BLK: variants seen among roughly 807,000 people sequenced by gnomAD.
BLK encodes tyrosine-protein kinase Blk.
Under a neutral mutation model 61.8 loss-of-function variants are expected in BLK, and 64 were observed. The observed-to-expected ratio is 1.03, with a 90% CI of 0.85 to 1.27. The LOEUF (loss-of-function observed/expected upper bound fraction) is 1.27. BLK is among the 50% of genes most tolerant of loss of function. BLK has a pLI of 0.00. For synonymous variants in BLK, 351 were observed against 272.0 expected, an observed-to-expected ratio of 1.29 and a Z score of -2.86; for missense variants, 853 against 660.5, an observed-to-expected ratio of 1.29 and a Z score of -3.19.
intron 11 of BLK, among the ~76,000 whole-genome samples, chr8:11,561,762 G>A (rs948488454): frequency 6.6e-6 from 1 of 151,948 alleles, no homozygotes; most frequent in African/African-American, 2.4e-5. Context: ...AAGTCCTGCA[G>A]CAAAGAAACA....
At chr8:11,545,798 C>T (rs1469564984) in intron 2 of BLK, 7 of 545,594 alleles carry the variant, frequency 1.3e-5, no homozygotes, top group Non-Finnish European at 2.0e-5. Context: ...TCATTGTCCA[C>T]AGCTGTCTCA....
At chr8:11,558,539 G>C (rs946603431) in intron 10 of BLK, 8 of 416,260 alleles carry the variant, frequency 1.9e-5, no homozygotes, top group South Asian at 7.1e-5. Context: ...CAGATGCCAG[G>C]GACATGACTT....
chr8:11,558,646 C>T (rs575630978), intron 10 of BLK: 23 of 456,140 alleles, frequency 5.0e-5, no homozygotes, highest in African/African-American at 1.0e-4. Context: ...GTGTCCCTCA[C>T]GTTCACATGC....
rs959216808 is a variant in BLK, at chr8:11,505,167, A to G, written c.-2+10576A>G. 1.1e-4 allele frequency among the ~76,000 whole-genome samples: 17 copies of G among 152,206 alleles called. 1 individual carries two copies. The highest frequency in any genetic ancestry group is 5.2e-4 in the Admixed American group (8 of 15,278). On this transcript the variant is annotated intron_variant, in intron 1 of 12. Transcript: ENST00000259089. ...AACAACAGCAAAACCACCTACCATG[A>G]CAAATACTATTGCAGCAAAACTGAA... is the stretch of plus-strand genomic sequence containing the variant.
chr8:11,502,971 C>T (rs1247306795), intron 1 of BLK, among the ~76,000 whole-genome samples: 1 of 152,212 alleles, frequency 6.6e-6, no homozygotes, highest in Non-Finnish European at 1.5e-5. Flanking sequence ...CAAGTCCCCA[C>T]TCGCAAAACG....
chr8:11,497,930 G>T (rs138998041), intron 1 of BLK, among the ~76,000 whole-genome samples: 1 of 152,174 alleles, frequency 6.6e-6, no homozygotes, highest in African/African-American at 2.4e-5. Flanking sequence ...GGGAGCAGTT[G>T]CACCCACTCT....
At chr8:11,547,310 C>G (rs1052616006) in intron 3 of BLK, among the ~76,000 whole-genome samples, 1 of 152,240 alleles carries the variant, frequency 6.6e-6, no homozygotes, top group Non-Finnish European at 1.5e-5. Flanking sequence ...ACACTCAGCT[C>G]AGTGACAGAG....
At chr8:11,560,318 GATGGATGGATGGATGGATAC>G (rs1801447512) in intron 10 of BLK, 1 of 209,410 alleles carries the variant, frequency 4.8e-6, no homozygotes, top group South Asian at 8.2e-5. Flanking sequence ...AGGATGCATA[GATGGATGGATGGATGGATAC>G]ATGGATGGAT....
intron 11 of BLK, 47 bp from the exon 12 acceptor site, chr8:11,562,932 G>A: frequency 6.2e-7 from 1 of 1,612,382 alleles, no homozygotes; most frequent in Admixed American, 1.7e-5. Flanking sequence ...TGGAGGGTAG[G>A]GGCCACCGGC....
In BLK at chr8:11,563,016, C is replaced by T; in HGVS notation, c.1218C>T (p.Ala406=). Residue 406 remains alanine, a synonymous_variant, in exon 12 of 13, where the codon GCC becomes GCT. Coordinates refer to ENST00000259089, the MANE Select transcript of BLK (RefSeq NM_001715.3). ...CCATCAAGTGGACAGCCCCGGAAGC[C>T]ATCCACTTCGGGGTCTTCACCATCA... ...KFPIKWTAPE[A]IHFGVFTIKA... 6.2e-7 allele frequency: 1 copy of T among 1,614,184 alleles called. No homozygotes were observed. Among genetic ancestry groups the T allele is most frequent in the East Asian group, 2.2e-5 (1 of 44,880 alleles).
Position 11,558,058 on chromosome 8 carries a change from C to A in BLK, c.1029+20C>A, listed in dbSNP as rs1801318781. On this transcript the variant is annotated intron_variant, in intron 10 of 12. Coordinates refer to ENST00000259089, the MANE Select transcript of BLK (RefSeq NM_001715.3). Reference sequence around the variant, plus strand: ...GCGCAGGTTGGTGAAGTACCAGGTGCAGAGAAAGGGCGGCATGTGCCACCT... The same window carrying A: ...GCGCAGGTTGGTGAAGTACCAGGTGAAGAGAAAGGGCGGCATGTGCCACCT... 1.2e-6 allele frequency: 2 copies of A among 1,613,006 alleles called. No individual in the cohort carries two copies. Among genetic ancestry groups the A allele is most frequent in the African/African-American group, 2.7e-5 (2 of 74,900 alleles).
intron 1 of BLK, among the ~76,000 whole-genome samples, chr8:11,517,415 A>G (rs992751655): frequency 6.6e-6 from 1 of 152,230 alleles, no homozygotes; most frequent in Middle Eastern, 3.2e-3. Context: ...CCAAGTGGCC[A>G]CAGCACTTGG....
At position 11,564,333 on chromosome 8, in the gene BLK, G is replaced by A. The variant is rs1451373128; in HGVS notation, c.*225G>A. 1.4e-6 allele frequency: 1 copy of A among 705,290 alleles called. No individual in the cohort carries two copies. The highest frequency in any genetic ancestry group is 2.7e-5 in the East Asian group (1 of 37,122). 43.7% of individuals were successfully genotyped at this position (705,290 alleles called of 1,614,324 possible). On this transcript the variant is annotated 3_prime_UTR_variant, in exon 13 of 13. Coordinates refer to ENST00000259089, the MANE Select transcript of BLK (RefSeq NM_001715.3). ...TCTCTGTGCCGCTTCATTTGTAGAGGGCTGTAACAGTGACCTCGCACGGTC... is the reference window on the plus strand; with the variant it reads ...TCTCTGTGCCGCTTCATTTGTAGAGAGCTGTAACAGTGACCTCGCACGGTC...
At chr8:11,536,371 G>A (rs913165957) in intron 1 of BLK, among the ~76,000 whole-genome samples, 2 of 152,096 alleles carry the variant, frequency 1.3e-5, no homozygotes, top group Non-Finnish European at 2.9e-5. Flanking sequence ...GTGTAGAAGA[G>A]TTCTATTATT....
intron 5 of BLK, among the ~76,000 whole-genome samples, chr8:11,549,530 A>T: frequency 6.6e-6 from 1 of 152,108 alleles, no homozygotes; most frequent in Non-Finnish European, 1.5e-5. Context: ...TAATACTCCC[A>T]ATCTTCTAAT....
chr8:11,542,641 C>G (rs568375375), intron 1 of BLK, among the ~76,000 whole-genome samples: 2 of 152,226 alleles, frequency 1.3e-5, no homozygotes, highest in Non-Finnish European at 2.9e-5. Flanking sequence ...ACATCTTCCC[C>G]CCTTTAAGGA....
At chr8:11,518,592 G>A (rs911438108) in intron 1 of BLK, among the ~76,000 whole-genome samples, 2 of 151,864 alleles carry the variant, frequency 1.3e-5, no homozygotes, top group African/African-American at 4.8e-5. Context: ...ACCTCTCACC[G>A]ATCTCCTGCG....
In BLK at chr8:11,563,953, C is replaced by G. The variant is rs546511658; in HGVS notation, c.1363C>G (p.Pro455Ala). The G allele has an allele frequency of 1.9e-6, 3 of 1,607,184 alleles. No homozygotes were observed. Among genetic ancestry groups the G allele is most frequent in the Non-Finnish European group, 2.5e-6 (3 of 1,179,312 alleles). The change falls in exon 13 of 13, where the codon CCG (proline) becomes GCG (alanine). Residue 455 changes from proline to alanine, a missense_variant. Transcript: ENST00000259089. The part of the protein sequence containing the change: ...IRNLERGYRM[P>A]RPDTCPPELY... ...CAACCTGGAGCGCGGCTACCGCATG[C>G]CGCGCCCCGACACCTGCCCGCCCGA...
Position 11,555,885 on chromosome 8 carries a change from C to A in BLK, c.772+401C>A, listed in dbSNP as rs189637212. 132 of 337,008 alleles carry A rather than the reference C, an allele frequency of 3.9e-4. No homozygotes were observed. In the East Asian group the frequency reaches 9.8e-3, roughly 25 times the overall value. 20.9% of individuals were successfully genotyped at this position (337,008 alleles called of 1,614,324 possible). A position where few individuals can be genotyped will look rare whatever the true frequency, so the allele number is the denominator to read the frequency against. ...AGCCTGAGTGCACACCGAGGGCAGC[C>A]GTGGGACTTTGGCCAAGTCACTGAA... is the stretch of plus-strand genomic sequence containing the variant. On this transcript the variant is annotated intron_variant, in intron 8 of 12. Coordinates refer to ENST00000259089, the MANE Select transcript of BLK (RefSeq NM_001715.3).
Sources: gnomAD v4.1 joint callset for allele counts (sites outside exome capture counted in the v4.1 genomes callset) on GRCh38, gnomAD v4.1.1 for gene constraint, MANE v1.5 for transcripts, NCBI Gene and HGNC (gene_info 2026-07-23, HGNC 2026-07-21) for gene names.